The following RAB11FIP5 variants were observed in gnomAD, a reference collection of about 807,000 sequenced individuals.
RAB11FIP5 encodes RAB11 family interacting protein 5, also known as rab11 family-interacting protein 5.
RAB11FIP5 carries 48 observed loss-of-function variants against 85.1 expected under a neutral mutation model. That is an observed-to-expected ratio of 0.56 (90% confidence interval 0.45 to 0.72). RAB11FIP5 has a LOEUF of 0.72. Among genes scored for constraint, RAB11FIP5 ranks in the 30% least tolerant of loss-of-function variants. The probability of loss-of-function intolerance (pLI) is 0.00; values close to 1 mark genes in which losing one functional copy is unlikely to be tolerated. For missense variants in RAB11FIP5, 1,491 were observed against 1,687.0 expected, an observed-to-expected ratio of 0.88 and a Z score of 2.04; for synonymous variants, 729 against 727.3, an observed-to-expected ratio of 1.00 and a Z score of -0.04.
rs1408741877 is a variant in RAB11FIP5 at position 73,078,423 on chromosome 2, C to T, written c.3581+1228G>A. Among the ~76,000 whole-genome samples, 1 of 152,178 alleles carries T rather than the reference C, an allele frequency of 6.6e-6. No individual in the cohort carries two copies. Among genetic ancestry groups the T allele is most frequent in the African/African-American group, 2.4e-5 (1 of 41,430 alleles). On this transcript the variant is annotated intron_variant, in intron 4 of 5. Coordinates refer to ENST00000486777, the MANE Select transcript of RAB11FIP5 (RefSeq NM_001371272.1). The surrounding 1 kb of genome is among the most constrained non-coding windows in gnomAD (Gnocchi z 4.4). ...AGGTCATGCTGGCAGACAGCAGGGC[C>T]AGCCGAGGACACTGCAACCACCAGC...
Position 73,079,950 on chromosome 2 carries a change from T to C in RAB11FIP5, c.3282A>G (p.Pro1094=), listed in dbSNP as rs1400534544. 3.2e-6 allele frequency: 4 copies of C among 1,232,224 alleles called. No individual in the cohort carries two copies. The highest frequency in any genetic ancestry group is 4.0e-6 in the Non-Finnish European group (4 of 988,056). The allele number at this position is 1,232,224 out of a possible 1,614,324, so 76.3% of individuals were successfully genotyped here. ...GCTCTGGGGGAGTGGGCAGCTCTTC[T>C]GGACCAGAATGAATAGAAGATTCCC... ...GSRESSIHSG[P]EELPTPPEPD... Residue 1094 remains proline (P), a synonymous_variant, in exon 4 of 6, where the codon CCA becomes CCG. Transcript: ENST00000486777.
Position 73,081,491 on chromosome 2 carries a change from TGGCGGC to T in RAB11FIP5, c.1735_1740del (p.Ala579_Ala580del). The T allele has an allele frequency of 8.1e-7, 1 of 1,234,162 alleles. No individual in the cohort carries two copies. The highest frequency in any genetic ancestry group is 1.0e-6 in the Non-Finnish European group (1 of 989,562). The allele number at this position is 1,234,162 out of a possible 1,614,324, so 76.5% of individuals were successfully genotyped here. ...GGGGTGGCTTCAGGGGCGGCGGTGG[TGGCGGC>T]AGCGGCAGCAGTGGCAGCAGCGGGG... On this transcript the variant is annotated inframe_deletion, in exon 4 of 6. Coordinates refer to ENST00000486777, the MANE Select transcript of RAB11FIP5 (RefSeq NM_001371272.1). This position sits in a 1 kb window ranked among gnomAD's most constrained non-coding sequence, Gnocchi z 4.2.
rs991860592 is a variant in RAB11FIP5, at chr2:73,080,968, G to T, written c.2264C>A (p.Ala755Asp). 35 of 1,232,214 alleles carry T rather than the reference G, an allele frequency of 2.8e-5. 1 individual carries two copies. Among genetic ancestry groups the T allele is most frequent in the Non-Finnish European group, 3.4e-5 (34 of 988,088 alleles). 76.3% of individuals were successfully genotyped at this position (1,232,214 alleles called of 1,614,324 possible). ...SVGAGLPSSSAQLQLRASGSE... is the reference protein window; with the variant it reads ...SVGAGLPSSSDQLQLRASGSE... ...GCCTGAGGCTCTCAGCTGTAGCTGG[G>T]CTGACGAGGAGGGCAGGCCAGCCCC... The change falls in exon 4 of 6, where the codon GCC (alanine) becomes GAC (aspartate). Residue 755 changes from alanine to aspartate, a missense_variant. Coordinates refer to ENST00000486777, the MANE Select transcript of RAB11FIP5 (RefSeq NM_001371272.1).
Position 73,112,542 on chromosome 2 carries a change from G to A in RAB11FIP5, c.236C>T (p.Pro79Leu), listed in dbSNP as rs1684689132. 3 of 1,540,618 alleles carry A rather than the reference G, an allele frequency of 1.9e-6. No individual in the cohort carries two copies. Among genetic ancestry groups the A allele is most frequent in the Admixed American group, 2.0e-5 (1 of 50,678 alleles). The change falls in exon 1 of 6, where the codon CCG becomes CTG. Residue 79 changes from proline (P) to leucine (L), a missense_variant. Physicochemically the swap from Pro to Leu is moderately conservative, Grantham distance 98. Around this residue, in one of 3 missense-constraint regions of RAB11FIP5, gnomAD observed 1,211 missense variants for 1,338.0 expected, o/e 0.91. Transcript: ENST00000486777. ...WREECSFELP[P>L]GALDGLLRAQ... ...CCGCAGCAGGCCATCCAGGGCCCCC[G>A]GCGGCAGCTCGAAGGAGCACTCCTC...
intron 1 of RAB11FIP5, among the ~76,000 whole-genome samples, chr2:73,099,394 A>C (rs1684386764): frequency 6.6e-6 from 1 of 152,188 alleles, no homozygotes; most frequent in Admixed American, 6.5e-5. Context: ...CATTCTGAGG[A>C]GTCCATGGCA....
intron 1 of RAB11FIP5, among the ~76,000 whole-genome samples, chr2:73,097,196 CCTGG>C (rs1223581814): frequency 2.0e-5 from 3 of 152,146 alleles, no homozygotes; most frequent in Non-Finnish European, 4.4e-5. Flanking sequence ...TGCCACCCCG[CCTGG>C]CTAATTTTGT....
chr2:73,102,250 C>T (rs572075339), intron 1 of RAB11FIP5, among the ~76,000 whole-genome samples: 11 of 152,110 alleles, frequency 7.2e-5, no homozygotes, highest in East Asian at 5.8e-4. Context: ...CTGAAATGCA[C>T]GACAGGGTAC....
intron 1 of RAB11FIP5, among the ~76,000 whole-genome samples, chr2:73,110,877 G>A (rs973001087): frequency 1.7e-4 from 26 of 152,154 alleles, no homozygotes; most frequent in African/African-American, 2.9e-4. Context: ...AGGACTGGGG[G>A]AAGGGGTGGA....
In RAB11FIP5 at chr2:73,094,777, G is replaced by A. The variant is rs181393998; in HGVS notation, c.432-5462C>T. 2.3e-4 allele frequency among the ~76,000 whole-genome samples: 35 copies of A among 152,216 alleles called. No homozygotes were observed. In the East Asian group the frequency reaches 5.0e-3, roughly 22 times the overall value. Reference sequence around the variant, plus strand: ...AGTAAGGCTTGCCTTCCCAAGTCCCGAGGACACGCTGCTTCTGAGAGGACT... The same window carrying A: ...AGTAAGGCTTGCCTTCCCAAGTCCCAAGGACACGCTGCTTCTGAGAGGACT... On this transcript the variant is annotated intron_variant, in intron 1 of 5. Transcript: ENST00000486777.
At chr2:73,100,926 T>G (rs1684417645) in intron 1 of RAB11FIP5, among the ~76,000 whole-genome samples, 1 of 151,866 alleles carries the variant, frequency 6.6e-6, no homozygotes, top group Non-Finnish European at 1.5e-5. Flanking sequence ...GACCAAACAG[T>G]GAGAGAGAAA....
In RAB11FIP5 at chr2:73,074,993, G is replaced by C; in HGVS notation, c.*528C>G. On this transcript the variant is annotated 3_prime_UTR_variant, in exon 6 of 6. Coordinates refer to ENST00000486777, the MANE Select transcript of RAB11FIP5 (RefSeq NM_001371272.1). ...CCACACAGGCTTCTTGCTCTCAGGG[G>C]AATGGGTGTGAGGCTGAAGAGGCTG... 1 of 354,226 alleles carries C rather than the reference G, an allele frequency of 2.8e-6. No individual in the cohort carries two copies. The highest frequency in any genetic ancestry group is 5.6e-6 in the Non-Finnish European group (1 of 179,846). 21.9% of individuals were successfully genotyped at this position (354,226 alleles called of 1,614,324 possible).
In RAB11FIP5 at chr2:73,074,921, A is replaced by G. The variant is rs750575654; in HGVS notation, c.*600T>C. ...TCCACATGGCACTCGCCCCACAAACAGCTCCAGACTGAAGCAGACTCAGGA... is the reference window on the plus strand; with the variant it reads ...TCCACATGGCACTCGCCCCACAAACGGCTCCAGACTGAAGCAGACTCAGGA... On this transcript the variant is annotated 3_prime_UTR_variant, in exon 6 of 6. Transcript: ENST00000486777. 3 of 325,314 alleles carry G rather than the reference A, an allele frequency of 9.2e-6. No homozygotes were observed. Among genetic ancestry groups the G allele is most frequent in the South Asian group, 5.3e-5 (2 of 37,450 alleles). The allele number at this position is 325,314 out of a possible 1,614,324, so 20.2% of individuals were successfully genotyped here.
chr2:73,102,735 G>T (rs1027682292), intron 1 of RAB11FIP5, among the ~76,000 whole-genome samples: 5 of 152,150 alleles, frequency 3.3e-5, no homozygotes, highest in African/African-American at 9.7e-5. Flanking sequence ...CATGGAACTG[G>T]CAGGGCTCAG....
At chr2:73,100,119 C>T (rs1448875515) in intron 1 of RAB11FIP5, among the ~76,000 whole-genome samples, 3 of 152,170 alleles carry the variant, frequency 2.0e-5, no homozygotes, top group Non-Finnish European at 4.4e-5. Context: ...CCTCACCTAG[C>T]TTCCCTTAGA....
chr2:73,102,650 T>C (rs1684451058), intron 1 of RAB11FIP5, among the ~76,000 whole-genome samples: 1 of 152,160 alleles, frequency 6.6e-6, no homozygotes, highest in South Asian at 2.1e-4. Flanking sequence ...GGGACAGTTA[T>C]TGACCTCTTA....
intron 1 of RAB11FIP5, among the ~76,000 whole-genome samples, chr2:73,108,299 T>C (rs557853341): frequency 1.6e-3 from 246 of 152,294 alleles, no homozygotes; most frequent in Middle Eastern, 6.8e-3. Context: ...AGAGGCCAGC[T>C]TCTAACCATT....
Position 73,080,723 on chromosome 2 carries a change from C to T in RAB11FIP5, c.2509G>A (p.Val837Met). The T allele has an allele frequency of 2.4e-6, 3 of 1,232,632 alleles. No individual in the cohort carries two copies. Among genetic ancestry groups the T allele is most frequent in the South Asian group, 4.1e-5 (1 of 24,322 alleles). The allele number at this position is 1,232,632 out of a possible 1,614,324, so 76.4% of individuals were successfully genotyped here. A position where few individuals can be genotyped will look rare whatever the true frequency, so the allele number is the denominator to read the frequency against. ...ETADDAWPWD[V>M]VTISPAAETA... is the part of the protein sequence containing the mutation. ...TCAGCTGCAGGAGAAATGGTGACCA[C>T]ATCCCAAGGCCAGGCATCATCAGCT... The change falls in exon 4 of 6, where the codon GTG (valine) becomes ATG (methionine). Residue 837 changes from valine (V) to methionine (M), a missense_variant. Val to Met is a conservative substitution (Grantham distance 21). This residue lies in a region of RAB11FIP5 where 1,211 missense variants were observed against 1,338.0 expected (regional missense o/e 0.91). Transcript: ENST00000486777.
At chr2:73,108,614 A>G (rs1212596962) in intron 1 of RAB11FIP5, among the ~76,000 whole-genome samples, 2 of 152,200 alleles carry the variant, frequency 1.3e-5, no homozygotes, top group Non-Finnish European at 2.9e-5. Flanking sequence ...GATCCACACC[A>G]ATCGCATAAA....
chr2:73,079,032 C>T (rs190364765), intron 4 of RAB11FIP5, among the ~76,000 whole-genome samples: 2 of 152,346 alleles, frequency 1.3e-5, no homozygotes, highest in East Asian at 3.9e-4. Flanking sequence ...GCAACTGCTG[C>T]GCGTGGGGAA....
Sources: allele counts gnomAD v4.1 joint callset (sites outside exome capture counted in the v4.1 genomes callset), GRCh38; gene constraint gnomAD v4.1.1; regional missense constraint gnomAD v4.1.1; non-coding constraint Gnocchi (gnomAD v3.1); transcripts MANE v1.5; gene names NCBI Gene and HGNC (gene_info 2026-07-23, HGNC 2026-07-21).